CATSPERB: variants seen among roughly 807,000 people sequenced by gnomAD.
CATSPERB encodes the protein cation channel sperm-associated auxiliary subunit beta.
In CATSPERB, 93 loss-of-function variants were observed where a neutral mutation model predicts 128.3. That is an observed-to-expected ratio of 0.72 (90% CI 0.61 to 0.86). CATSPERB has a LOEUF of 0.86. Among genes scored for constraint, CATSPERB ranks in the 40% least tolerant of loss-of-function variants. The probability of loss-of-function intolerance (pLI) is 0.00; values close to 1 mark genes in which losing one functional copy is unlikely to be tolerated. For synonymous variants in CATSPERB, 381 were observed against 448.8 expected, an observed-to-expected ratio of 0.85 and a Z score of 1.91; for missense variants, 1,153 against 1,329.5, an observed-to-expected ratio of 0.87 and a Z score of 2.06.
In CATSPERB at chr14:91,639,193, T is replaced by TA; in HGVS notation, c.1489dup (p.Tyr497LeufsTer2). ...CTTATGTAGGAATCCCAAGTGATCATAGTATAATGTGAAAATTCTCTCAGT... is the reference window on the plus strand; with the variant it reads ...CTTATGTAGGAATCCCAAGTGATCATAAGTATAATGTGAAAATTCTCTCAGT... On this transcript the variant is annotated frameshift_variant, in exon 16 of 27. Coordinates refer to ENST00000256343, the MANE Select transcript of CATSPERB (RefSeq NM_024764.4). LOFTEE classifies it high-confidence loss of function. 6.2e-7 allele frequency: 1 copy of TA among 1,613,896 alleles called. No individual in the cohort carries two copies. Among genetic ancestry groups the TA allele is most frequent in the Non-Finnish European group, 8.5e-7 (1 of 1,179,838 alleles).
intron 6 of CATSPERB, among the ~76,000 whole-genome samples, chr14:91,705,274 C>G (rs1386404489): frequency 6.6e-6 from 1 of 151,958 alleles, no homozygotes; most frequent in African/African-American, 2.4e-5. Flanking sequence ...ATAACTTCTG[C>G]TTCTAGAGCC....
intron 18 of CATSPERB, among the ~76,000 whole-genome samples, chr14:91,624,619 C>T (rs370344812): frequency 8.9e-5 from 13 of 146,744 alleles, no homozygotes; most frequent in African/African-American, 2.5e-4. Context: ...CCAGCCTGGG[C>T]GATAGAGCGA....
intron 11 of CATSPERB, among the ~76,000 whole-genome samples, chr14:91,682,622 C>A (rs1895302158): frequency 6.6e-6 from 1 of 152,158 alleles, no homozygotes; most frequent in Non-Finnish European, 1.5e-5. Flanking sequence ...TCTGGGAGCA[C>A]CCTTACCTAC....
intron 2 of CATSPERB, among the ~76,000 whole-genome samples, chr14:91,729,042 A>C (rs1896165755): frequency 6.6e-6 from 1 of 152,236 alleles, no homozygotes; most frequent in Admixed American, 6.5e-5. Flanking sequence ...GCAGTGTGAT[A>C]AAATCTCATG....
intron 16 of CATSPERB, among the ~76,000 whole-genome samples, chr14:91,637,021 C>T (rs1894387711): frequency 6.6e-6 from 1 of 152,238 alleles, no homozygotes; most frequent in South Asian, 2.1e-4. Flanking sequence ...AGTCTCCCAA[C>T]TGGCAGCATA....
In CATSPERB at chr14:91,600,036, G is replaced by T. The variant is rs116922055; in HGVS notation, c.2710-8034C>A. Among the ~76,000 whole-genome samples the T allele has an allele frequency of 1.2e-3, 185 of 152,232 alleles. 1 individual carries two copies. Among genetic ancestry groups the T allele is most frequent in the African/African-American group, 4.1e-3 (169 of 41,532 alleles). The stretch of plus-strand genomic sequence containing the variant: ...TGTTTATCCATTCATCAGTTAATGC[G>T]CATCTGATTGTTTCCACTTTCTGGC... On this transcript the variant is annotated intron_variant, in intron 22 of 26. Coordinates refer to ENST00000256343, the MANE Select transcript of CATSPERB (RefSeq NM_024764.4).
At chr14:91,621,238 C>T (rs1243884934) in intron 19 of CATSPERB, among the ~76,000 whole-genome samples, 1 of 151,988 alleles carries the variant, frequency 6.6e-6, no homozygotes, top group Admixed American at 6.6e-5. Flanking sequence ...CCTGTCTCTA[C>T]TAAAAATACA....
At chr14:91,724,421 T>A (rs915989736) in intron 3 of CATSPERB, among the ~76,000 whole-genome samples, 1 of 152,172 alleles carries the variant, frequency 6.6e-6, no homozygotes, top group African/African-American at 2.4e-5. Flanking sequence ...CTTAAATATA[T>A]ATTTAAGCAT....
intron 9 of CATSPERB, among the ~76,000 whole-genome samples, chr14:91,691,776 C>G (rs1017262806): frequency 6.6e-6 from 1 of 152,148 alleles, no homozygotes; most frequent in African/African-American, 2.4e-5. Flanking sequence ...CCCCATCAGT[C>G]TTTGCCTCAT....
chr14:91,698,782 G>T (rs1468109368), intron 7 of CATSPERB, among the ~76,000 whole-genome samples: 11 of 152,168 alleles, frequency 7.2e-5, no homozygotes, highest in African/African-American at 1.7e-4. Flanking sequence ...TGAATTCTGA[G>T]ATTTTAGTGC....
In CATSPERB at chr14:91,651,961, A is replaced by G. The variant is rs376587193; in HGVS notation, c.1432+7876T>C. Among the ~76,000 whole-genome samples the G allele has an allele frequency of 1.1e-4, 17 of 152,374 alleles. No individual in the cohort carries two copies. The East Asian group carries it at 2.5e-3, about 22-fold the overall frequency. ...AATTAGAGATTTTACTTTGATCTGTATATAAAATCTAAAACAACCAATTTC... is the reference window on the plus strand; with the variant it reads ...AATTAGAGATTTTACTTTGATCTGTGTATAAAATCTAAAACAACCAATTTC... On this transcript the variant is annotated intron_variant, in intron 15 of 26. Transcript: ENST00000256343.
intron 4 of CATSPERB, among the ~76,000 whole-genome samples, chr14:91,722,768 A>G (rs1477774853): frequency 6.6e-6 from 1 of 152,208 alleles, no homozygotes; most frequent in African/African-American, 2.4e-5. Flanking sequence ...GAAATGCTAA[A>G]AGAAATTGAC....
At chr14:91,674,587 A>T (rs1422858698) in intron 11 of CATSPERB, among the ~76,000 whole-genome samples, 3 of 151,960 alleles carry the variant, frequency 2.0e-5, no homozygotes, top group South Asian at 2.1e-4. Context: ...GCATTTTAAA[A>T]TTTTTTTTAT....
intron 26 of CATSPERB, among the ~76,000 whole-genome samples, chr14:91,584,035 AC>A (rs1439579295): frequency 6.6e-6 from 1 of 151,966 alleles, no homozygotes; most frequent in African/African-American, 2.4e-5. Flanking sequence ...GTCATGTGTC[AC>A]CAGGTCTGGC....
intron 7 of CATSPERB, among the ~76,000 whole-genome samples, chr14:91,697,341 G>A (rs1034518426): frequency 1.3e-5 from 2 of 151,822 alleles, no homozygotes; most frequent in Non-Finnish European, 2.9e-5. Flanking sequence ...TAAGGATGTT[G>A]GGTAGTGAAA....
chr14:91,637,129 C>T (rs1428732436), intron 16 of CATSPERB, among the ~76,000 whole-genome samples: 1 of 152,158 alleles, frequency 6.6e-6, no homozygotes, highest in Non-Finnish European at 1.5e-5. Flanking sequence ...TTTCAACACA[C>T]CTTTCTCTAA....
At chr14:91,687,163 G>A (rs1284144172) in intron 10 of CATSPERB, among the ~76,000 whole-genome samples, 1 of 152,024 alleles carries the variant, frequency 6.6e-6, no homozygotes, top group African/African-American at 2.4e-5. Context: ...AAAAATCAGG[G>A]TGAATATACA....
intron 22 of CATSPERB, among the ~76,000 whole-genome samples, chr14:91,594,545 C>G (rs949267273): frequency 6.6e-6 from 1 of 151,926 alleles, no homozygotes; most frequent in Non-Finnish European, 1.5e-5. Context: ...GCCTCCCCAG[C>G]CATGTGGAAC....
At chr14:91,662,270 T>G (rs1185102410) in intron 14 of CATSPERB, among the ~76,000 whole-genome samples, 1 of 152,206 alleles carries the variant, frequency 6.6e-6, no homozygotes, top group African/African-American at 2.4e-5. Flanking sequence ...ATGCTTAATT[T>G]TACTTATTTT....
Sources: gnomAD v4.1 joint callset for allele counts (sites outside exome capture counted in the v4.1 genomes callset) on GRCh38, gnomAD v4.1.1 for gene constraint, MANE v1.5 for transcripts, NCBI Gene and HGNC (gene_info 2026-07-23, HGNC 2026-07-21) for gene names.